Variants in CDKL1 observed in about 807,000 individuals in gnomAD.
CDKL1 encodes the protein cyclin-dependent kinase-like 1.
In CDKL1, 41 loss-of-function variants were observed where a neutral mutation model predicts 42.0. The ratio of observed to expected loss-of-function variants is 0.98; its 90% CI spans 0.76 to 1.27. CDKL1 has a LOEUF of 1.27. Ranked by LOEUF, CDKL1 falls within the 50% of genes most tolerant of loss-of-function variation. The pLI, the probability that CDKL1 is intolerant of heterozygous loss-of-function variation, is 0.00. For synonymous variants in CDKL1, 153 were observed against 158.6 expected (o/e 0.96, Z 0.26); for missense variants, 394 against 428.4 (o/e 0.92, Z 0.71).
intron 2 of CDKL1, among the ~76,000 whole-genome samples, chr14:50,382,950 C>T (rs1188016058): frequency 3.5e-5 from 5 of 144,508 alleles, no homozygotes; most frequent in African/African-American, 1.3e-4. Context: ...TTTTTTGAGA[C>T]GGAGTCTCGC....
In CDKL1 at chr14:50,394,981, TA is replaced by T. The variant is rs565898275; in HGVS notation, c.168+719del. ...GCAAGATCCCATCTCTAAAAAATGTTAAAAAAAATTAGAAAGTGATCATTTC... is the reference window on the plus strand; with the variant it reads ...GCAAGATCCCATCTCTAAAAAATGTTAAAAAAATTAGAAAGTGATCATTTC... On this transcript the variant is annotated intron_variant, in intron 2 of 9. Coordinates refer to ENST00000395834, the MANE Select transcript of CDKL1 (RefSeq NM_004196.7). Among the ~76,000 whole-genome samples, 208 of 152,022 alleles carry T rather than the reference TA, an allele frequency of 1.4e-3. 2 individuals are homozygous for T. The highest frequency in any genetic ancestry group is 1.1e-3 in the Non-Finnish European group (73 of 67,960).
chr14:50,327,697 T>A lies in CDKL1; in HGVS notation c.*2377A>T, dbSNP rs1267346470. The A allele has an allele frequency of 6.6e-6, 1 of 152,068 alleles. No homozygotes were observed. The highest frequency in any genetic ancestry group is 1.5e-5 in the Non-Finnish European group (1 of 68,036). The allele number at this position is 152,068 out of a possible 1,614,324, so 9.4% of individuals were successfully genotyped here. A position where few individuals can be genotyped will look rare whatever the true frequency, so the allele number is the denominator to read the frequency against. ...CCAGACTGGTCTTGAACTCCTAACC[T>A]CAGGATCCACCCGCCTCGGCCTCCC... On this transcript the variant is annotated 3_prime_UTR_variant, in exon 10 of 10. Coordinates refer to ENST00000395834, the MANE Select transcript of CDKL1 (RefSeq NM_004196.7).
chr14:50,335,266 A>G (rs1284073054), intron 7 of CDKL1, among the ~76,000 whole-genome samples: 1 of 142,360 alleles, frequency 7.0e-6, no homozygotes, highest in Admixed American at 7.5e-5. Flanking sequence ...ACTGCACTCC[A>G]GCATGGGCGA....
Position 50,326,685 on chromosome 14 carries a change from T to G in CDKL1, c.*3389A>C. The G allele has an allele frequency of 3.0e-6, 3 of 985,422 alleles. No individual in the cohort carries two copies. Among genetic ancestry groups the G allele is most frequent in the Non-Finnish European group, 2.4e-6 (2 of 829,908 alleles). The allele number at this position is 985,422 out of a possible 1,614,324, so 61.0% of individuals were successfully genotyped here. ...GCTGAATACAAATAGTTTTGCAGAT[T>G]GCAATATAATAAAGGAAACAGTAAA... On this transcript the variant is annotated 3_prime_UTR_variant, in exon 10 of 10. Transcript: ENST00000395834.
chr14:50,395,097 C>T (rs560337920), intron 2 of CDKL1, among the ~76,000 whole-genome samples: 1 of 152,324 alleles, frequency 6.6e-6, no homozygotes, highest in Non-Finnish European at 1.5e-5. Flanking sequence ...AATCTGTGAG[C>T]TTCCTAGCAG....
At chr14:50,365,588 A>G (rs988963674) in intron 2 of CDKL1, among the ~76,000 whole-genome samples, 1 of 152,214 alleles carries the variant, frequency 6.6e-6, no homozygotes. Flanking sequence ...TTATGAAGCC[A>G]GTCCCCGTCT....
At chr14:50,379,654 T>C (rs2034845596) in intron 2 of CDKL1, among the ~76,000 whole-genome samples, 2 of 152,136 alleles carry the variant, frequency 1.3e-5, no homozygotes, top group Non-Finnish European at 2.9e-5. Context: ...ATAGGTGAGA[T>C]AGAAGGACAG....
intron 3 of CDKL1, among the ~76,000 whole-genome samples, chr14:50,356,496 G>A (rs527628236): frequency 6.6e-5 from 10 of 152,324 alleles, no homozygotes; most frequent in African/African-American, 2.2e-4. Flanking sequence ...ATACTATGCA[G>A]CCATAAAAAT....
chr14:50,335,480 T>C, intron 7 of CDKL1: 1 of 1,536,094 alleles, frequency 6.5e-7, no homozygotes, highest in Admixed American at 2.0e-5. Context: ...AACAGTCTCC[T>C]GTGGGGCATT....
intron 2 of CDKL1, among the ~76,000 whole-genome samples, chr14:50,369,067 A>G (rs2034513643): frequency 6.6e-6 from 1 of 151,852 alleles, no homozygotes; most frequent in Admixed American, 6.6e-5. Context: ...GGGTTTCACC[A>G]TGTTGGCCAG....
chr14:50,358,128 C>T, intron 3 of CDKL1: 3 of 1,350,348 alleles, frequency 2.2e-6, no homozygotes, highest in Non-Finnish European at 3.0e-6. Context: ...CCAGTGCACA[C>T]AAAGATGTTG....
At chr14:50,372,276 C>G (rs1288091204) in intron 2 of CDKL1, among the ~76,000 whole-genome samples, 1 of 152,134 alleles carries the variant, frequency 6.6e-6, no homozygotes, top group East Asian at 1.9e-4. Flanking sequence ...CACCACCACA[C>G]CTGGCTAATT....
chr14:50,332,729 G>T, intron 8 of CDKL1: 2 of 1,483,678 alleles, frequency 1.3e-6, no homozygotes, highest in Non-Finnish European at 1.8e-6. Context: ...GTTTACCTCA[G>T]TGGCCAAATG....
chr14:50,389,017 T>C (rs376864503), intron 2 of CDKL1, among the ~76,000 whole-genome samples: 1 of 146,374 alleles, frequency 6.8e-6, no homozygotes, highest in East Asian at 2.0e-4. Context: ...GATAATCGCT[T>C]GAACCCAGGA....
At chr14:50,391,827 G>A (rs1324789795) in intron 2 of CDKL1, among the ~76,000 whole-genome samples, 2 of 152,088 alleles carry the variant, frequency 1.3e-5, no homozygotes, top group African/African-American at 4.8e-5. Context: ...GCATACAAAT[G>A]TACTTCTCAC....
chr14:50,381,824 G>C (rs2034917231), intron 2 of CDKL1, among the ~76,000 whole-genome samples: 1 of 152,108 alleles, frequency 6.6e-6, no homozygotes, highest in Non-Finnish European at 1.5e-5. Flanking sequence ...CCTGGCTAAA[G>C]GGCAGTGGTG....
At chr14:50,376,358 A>G (rs757908184) in intron 2 of CDKL1, 125 of 471,084 alleles carry the variant, frequency 2.7e-4, no homozygotes, top group Middle Eastern at 9.7e-4. Context: ...TTCTGAGAAT[A>G]TACTTTCCAT....
intron 6 of CDKL1, among the ~76,000 whole-genome samples, chr14:50,339,912 A>G (rs527895497): frequency 7.9e-4 from 120 of 152,256 alleles, no homozygotes; most frequent in African/African-American, 2.8e-3. Context: ...TTCCTACTCC[A>G]GGGTATCAAA....
At chr14:50,385,928 T>G (rs1231360635) in intron 2 of CDKL1, among the ~76,000 whole-genome samples, 1 of 152,064 alleles carries the variant, frequency 6.6e-6, no homozygotes, top group African/African-American at 2.4e-5. Context: ...TAACCATTAT[T>G]AGAACAATAT....
Sources: allele counts gnomAD v4.1 joint callset (sites outside exome capture counted in the v4.1 genomes callset), GRCh38; gene constraint gnomAD v4.1.1; transcripts MANE v1.5; gene names NCBI Gene and HGNC (gene_info 2026-07-23, HGNC 2026-07-21).